Variants in ATP2B2 observed in about 807,000 individuals in gnomAD.
ATP2B2 encodes ATPase plasma membrane Ca2+ transporting 2.
In ATP2B2, 15 loss-of-function variants were observed where a neutral mutation model predicts 120.0. The observed-to-expected ratio is 0.12, with a 90% confidence interval of 0.08 to 0.19. ATP2B2 has a LOEUF of 0.19. ATP2B2 is among the 10% of genes least tolerant of loss of function. The pLI is 1.00. For synonymous variants in ATP2B2, 694 were observed against 700.3 expected (o/e 0.99, Z 0.14); for missense variants, 1,045 against 1,719.8 (o/e 0.61, Z 6.94).
intron 2 of ATP2B2, among the ~76,000 whole-genome samples, chr3:10,587,475 G>T (rs1205311784): frequency 6.6e-6 from 1 of 152,068 alleles, no homozygotes; most frequent in Non-Finnish European, 1.5e-5. Flanking sequence ...TGCCTCCCTG[G>T]TTCAAGTGAA....
intron 3 of ATP2B2, among the ~76,000 whole-genome samples, chr3:10,513,474 G>T (rs1353658775): frequency 6.6e-6 from 1 of 152,216 alleles, no homozygotes; most frequent in African/African-American, 2.4e-5. Flanking sequence ...AGCTGGGAAG[G>T]GTTTTCAGGA....
At chr3:10,525,256 G>A (rs4468954) in intron 3 of ATP2B2, among the ~76,000 whole-genome samples, 12,109 of 152,240 alleles carry the variant, frequency 0.08, 885 homozygotes, top group African/African-American at 0.19. Flanking sequence ...CTAAAGCACC[G>A]ACCAGCCTTT....
upstream of ATP2B2, chr3:10,505,735 A>C (rs1575433785): frequency 4.0e-5 from 2 of 49,684 alleles, no homozygotes; most frequent in South Asian, 8.9e-4. Context: ...GGGAGGAGGG[A>C]GGGAGGGAGG....
In ATP2B2 at chr3:10,343,383, A is replaced by T. The variant is rs2060338252; in HGVS notation, c.2704-418T>A. 8.9e-6 allele frequency among the ~76,000 whole-genome samples: 1 copy of T among 111,896 alleles called. No individual in the cohort carries two copies. The highest frequency in any genetic ancestry group is 1.8e-5 in the Non-Finnish European group (1 of 55,558). The allele number at this position is 111,896 out of a possible 152,430, so 73.4% of individuals were successfully genotyped here. A position where few individuals can be genotyped will look rare whatever the true frequency, so the allele number is the denominator to read the frequency against. On this transcript the variant is annotated intron_variant, in intron 18 of 22. Transcript: ENST00000360273. This position sits in a 1 kb window ranked among gnomAD's most constrained non-coding sequence, Gnocchi z 4.2. ...CTCCCCCTCGGGCTTTCTATCCTAC[A>T]AACAGTGCCCGTCCCCCACCCCCCC...
chr3:10,437,931 G>C (rs2063530013), intron 2 of ATP2B2, among the ~76,000 whole-genome samples: 1 of 152,216 alleles, frequency 6.6e-6, no homozygotes, highest in African/African-American at 2.4e-5. Flanking sequence ...CAGACACTGG[G>C]AGAAGATGGC....
At chr3:10,419,475 T>C (rs529306969) in intron 2 of ATP2B2, among the ~76,000 whole-genome samples, 4 of 152,346 alleles carry the variant, frequency 2.6e-5, no homozygotes, top group African/African-American at 7.2e-5. Context: ...AATTTCTGTC[T>C]GTGTTGCCGC....
chr3:10,616,646 C>T (rs116470736), intron 2 of ATP2B2, among the ~76,000 whole-genome samples: 1,705 of 151,890 alleles, frequency 0.011, 32 homozygotes, highest in African/African-American at 0.039. Context: ...AAAGTGCCAA[C>T]ATAACCATTT....
intron 14 of ATP2B2, 76 bp from the exon 15 acceptor site, chr3:10,350,653 G>A (rs2060554096): frequency 3.3e-6 from 5 of 1,513,194 alleles, no homozygotes; most frequent in Admixed American, 3.5e-5. Flanking sequence ...GATTCCAGAG[G>A]AGCCCTTCTC....
chr3:10,459,564 G>A (rs1162193833), intron 1 of ATP2B2, among the ~76,000 whole-genome samples: 1 of 152,200 alleles, frequency 6.6e-6, no homozygotes, highest in African/African-American at 2.4e-5. Flanking sequence ...TTGCAGCACT[G>A]GCTGCCTCCA....
intron 1 of ATP2B2, among the ~76,000 whole-genome samples, chr3:10,662,289 T>C (rs1290817898): frequency 1.3e-5 from 2 of 151,720 alleles, no homozygotes; most frequent in African/African-American, 4.9e-5. Context: ...GAAACTACCA[T>C]CAGAGTGAAC....
intron 2 of ATP2B2, among the ~76,000 whole-genome samples, chr3:10,567,808 T>G (rs1194446940): frequency 6.6e-6 from 1 of 152,120 alleles, no homozygotes. Flanking sequence ...GGGCTGAGAC[T>G]GCGTTTCATC....
intron 3 of ATP2B2, among the ~76,000 whole-genome samples, chr3:10,514,223 T>C (rs2066831723): frequency 6.6e-6 from 1 of 152,066 alleles, no homozygotes; most frequent in East Asian, 1.9e-4. Context: ...CCCTACCCTG[T>C]GATAGGTCTG....
At chr3:10,462,654 C>G (rs543280854) in intron 1 of ATP2B2, among the ~76,000 whole-genome samples, 26 of 152,346 alleles carry the variant, frequency 1.7e-4, no homozygotes, top group African/African-American at 6.0e-4. Context: ...CTCAAGCTCA[C>G]ACAGCTAATG....
At chr3:10,677,191 C>A (rs1157880276) in intron 1 of ATP2B2, among the ~76,000 whole-genome samples, 1 of 152,092 alleles carries the variant, frequency 6.6e-6, no homozygotes, top group Non-Finnish European at 1.5e-5. Context: ...ATGGATAAAC[C>A]GTGGTACACC....
At chr3:10,588,831 G>A (rs1367892038) in intron 2 of ATP2B2, among the ~76,000 whole-genome samples, 1 of 152,122 alleles carries the variant, frequency 6.6e-6, no homozygotes, top group Admixed American at 6.5e-5. Flanking sequence ...GGAAATTCAA[G>A]AAGAAAAGAA....
chr3:10,572,916 T>G (rs1258962771), intron 2 of ATP2B2, among the ~76,000 whole-genome samples: 4 of 152,172 alleles, frequency 2.6e-5, no homozygotes, highest in Non-Finnish European at 5.9e-5. Context: ...CCAAGTCCAG[T>G]GCTCTTTCTA....
intron 1 of ATP2B2, among the ~76,000 whole-genome samples, chr3:10,694,332 A>C (rs35135267): frequency 1.3e-5 from 2 of 152,084 alleles, no homozygotes; most frequent in Non-Finnish European, 2.9e-5. Flanking sequence ...TCTCTCCCCC[A>C]TCCCTAACCT....
At chr3:10,361,791 A>G (rs962761796) in intron 12 of ATP2B2, among the ~76,000 whole-genome samples, 4 of 152,246 alleles carry the variant, frequency 2.6e-5, no homozygotes, top group Non-Finnish European at 5.9e-5. Context: ...TGTGTAAACA[A>G]GCTGAATTCT....
chr3:10,509,032 G>A (rs539045615), upstream of ATP2B2, among the ~76,000 whole-genome samples: 1 of 152,312 alleles, frequency 6.6e-6, no homozygotes, highest in Non-Finnish European at 1.5e-5. Flanking sequence ...CCTTGGGGAG[G>A]GGTCCTGGAG....
Sources: gnomAD v4.1 joint callset for allele counts (sites outside exome capture counted in the v4.1 genomes callset) on GRCh38, gnomAD v4.1.1 for gene constraint, Gnocchi (gnomAD v3.1) non-coding constraint, MANE v1.5 for transcripts, NCBI Gene and HGNC (gene_info 2026-07-23, HGNC 2026-07-21) for gene names.